The following SNX24 variants were observed in gnomAD, a reference collection of about 807,000 sequenced individuals.
SNX24 encodes the protein sorting nexin 24, also known as sorting nexin-24.
In SNX24, 22 loss-of-function variants were observed where a neutral mutation model predicts 28.7. The observed-to-expected ratio is 0.77, with a 90% CI of 0.55 to 1.10. The LOEUF is 1.10. Ranked by LOEUF, SNX24 falls within the 50% of genes least tolerant of loss-of-function variation. SNX24 has a pLI of 0.00. For missense variants in SNX24, 221 were observed against 201.1 expected (o/e 1.10, Z -0.60); for synonymous variants, 69 against 71.5 (o/e 0.96, Z 0.18).
At chr5:122,975,326 T>C (rs1761121757) in intron 3 of SNX24, among the ~76,000 whole-genome samples, 1 of 152,230 alleles carries the variant, frequency 6.6e-6, no homozygotes, top group Admixed American at 6.5e-5. Flanking sequence ...TATTTGATAT[T>C]ATTTTAATCC....
chr5:122,898,475 A>G (rs937287422), intron 1 of SNX24, among the ~76,000 whole-genome samples: 12 of 152,216 alleles, frequency 7.9e-5, no homozygotes, highest in Non-Finnish European at 1.3e-4. Context: ...CAGTGCAGTG[A>G]GCCATGTGCC....
At chr5:122,873,394 G>A (rs935609907) in intron 1 of SNX24, among the ~76,000 whole-genome samples, 10 of 152,264 alleles carry the variant, frequency 6.6e-5, no homozygotes, top group South Asian at 6.2e-4. Flanking sequence ...ATGCCTGCGT[G>A]GGGAGGCAGG....
chr5:122,981,734 G>T lies in SNX24; in HGVS notation c.250-18178G>T, dbSNP rs1042684599. Among the ~76,000 whole-genome samples, 3 of 152,234 alleles carry T rather than the reference G, an allele frequency of 2.0e-5. No individual in the cohort carries two copies. The South Asian group carries it at 6.2e-4, about 32-fold the overall frequency. ...GCTCTGTCTCCCAGGCTGGAGTGCA[G>T]TGGCACGATCTCTGCTCACTGCAAC... On this transcript the variant is annotated intron_variant, in intron 3 of 6. Coordinates refer to ENST00000261369, the MANE Select transcript of SNX24 (RefSeq NM_014035.4).
At chr5:122,862,398 G>A (rs1246425861) in intron 1 of SNX24, among the ~76,000 whole-genome samples, 3 of 151,994 alleles carry the variant, frequency 2.0e-5, no homozygotes, top group African/African-American at 4.8e-5. Context: ...GGCGGATCAC[G>A]AGGTCAGGAG....
At chr5:122,859,030 G>A (rs1581676029) in intron 1 of SNX24, among the ~76,000 whole-genome samples, 1 of 152,074 alleles carries the variant, frequency 6.6e-6, no homozygotes, top group Admixed American at 6.6e-5. Context: ...TTACAGGTGT[G>A]AGCAACCAGG....
chr5:122,901,452 G>A (rs1335632871), intron 1 of SNX24, among the ~76,000 whole-genome samples: 1 of 152,070 alleles, frequency 6.6e-6, no homozygotes, highest in African/African-American at 2.4e-5. Flanking sequence ...GTATGTTTAG[G>A]GACAAAACAC....
Position 123,028,973 on chromosome 5 carries a change from C to T in SNX24, n.384-265C>T, listed in dbSNP as rs113331486. 2.5e-5 allele frequency: 26 copies of T among 1,041,714 alleles called. No homozygotes were observed. In the African/African-American group the frequency reaches 3.9e-4, roughly 16 times the overall value. The allele number at this position is 1,041,714 out of a possible 1,614,324, so 64.5% of individuals were successfully genotyped here. The stretch of plus-strand genomic sequence containing the variant: ...AAACTGAGAAAATTAAACAAAATGC[C>T]TACAGAACTTGATTCTATCCCAGCT... On this transcript the variant is annotated intron_variant and non_coding_transcript_variant, in intron 5 of 5. Coordinates refer to the SNX24 transcript ENST00000502387.
chr5:122,908,402 G>T (rs1395770601), intron 1 of SNX24, among the ~76,000 whole-genome samples: 1 of 152,134 alleles, frequency 6.6e-6, no homozygotes, highest in African/African-American at 2.4e-5. Flanking sequence ...ACATCTCCTT[G>T]GGGTAACTGA....
At chr5:123,015,101 CT>C (rs1762657285) in intron 5 of SNX24, among the ~76,000 whole-genome samples, 2 of 152,184 alleles carry the variant, frequency 1.3e-5, no homozygotes. Flanking sequence ...TTGTTACTGC[CT>C]TTCTCCTTCA....
chr5:123,003,299 A>G (rs1762310722), intron 6 of SNX24, among the ~76,000 whole-genome samples: 1 of 152,110 alleles, frequency 6.6e-6, no homozygotes, highest in Non-Finnish European at 1.5e-5. Flanking sequence ...ATATGACCTC[A>G]TATTCTTTTT....
At chr5:123,013,037 C>G (rs1485630204), downstream of SNX24, among the ~76,000 whole-genome samples, 2 of 152,168 alleles carry the variant, frequency 1.3e-5, no homozygotes, top group Non-Finnish European at 2.9e-5. Flanking sequence ...CCTTCAGAAT[C>G]CAGTACCAAG....
chr5:122,890,574 A>T (rs866062796), intron 1 of SNX24, among the ~76,000 whole-genome samples: 1 of 150,596 alleles, frequency 6.6e-6, no homozygotes, highest in Non-Finnish European at 1.5e-5. Context: ...GGTTCAAGCG[A>T]TTCTTCCACC....
intron 3 of SNX24, among the ~76,000 whole-genome samples, chr5:122,950,049 C>T (rs1759871049): frequency 6.6e-6 from 1 of 152,128 alleles, no homozygotes; most frequent in South Asian, 2.1e-4. Context: ...AAATAATATA[C>T]TCCAGGAAAA....
At chr5:122,946,186 A>G (rs761215619) in intron 3 of SNX24, 27 bp downstream of exon 3, 3 of 1,299,458 alleles carry the variant, frequency 2.3e-6, no homozygotes, top group South Asian at 1.2e-5. Context: ...TCCTCATTTT[A>G]TATAACATAA....
At chr5:122,860,512 A>C (rs1473172761) in intron 1 of SNX24, among the ~76,000 whole-genome samples, 3 of 152,236 alleles carry the variant, frequency 2.0e-5, no homozygotes, top group Non-Finnish European at 4.4e-5. Context: ...TTGTAGAATC[A>C]GATTAGCCCT....
intron 1 of SNX24, among the ~76,000 whole-genome samples, chr5:122,906,917 C>T (rs1757667298): frequency 1.3e-5 from 2 of 152,200 alleles, no homozygotes; most frequent in Non-Finnish European, 2.9e-5. Flanking sequence ...AGCAGCGTGA[C>T]TCTAGCCCCT....
At chr5:122,893,450 T>G (rs1289352094) in intron 1 of SNX24, among the ~76,000 whole-genome samples, 1 of 152,196 alleles carries the variant, frequency 6.6e-6, no homozygotes, top group Non-Finnish European at 1.5e-5. Flanking sequence ...GGTTAATCAT[T>G]GCTTTTAGAC....
At chr5:122,956,170 A>G (rs1760200463) in intron 3 of SNX24, among the ~76,000 whole-genome samples, 1 of 151,944 alleles carries the variant, frequency 6.6e-6, no homozygotes, top group Non-Finnish European at 1.5e-5. Context: ...ATCACTGTGT[A>G]TCTTAGTTTA....
At chr5:122,980,784 G>C (rs1413936971) in intron 3 of SNX24, among the ~76,000 whole-genome samples, 1 of 151,452 alleles carries the variant, frequency 6.6e-6, no homozygotes, top group African/African-American at 2.4e-5. Context: ...TCATTTCCAA[G>C]GTGGGAAAAG....
Sources: allele counts gnomAD v4.1 joint callset (sites outside exome capture counted in the v4.1 genomes callset), GRCh38; gene constraint gnomAD v4.1.1; transcripts MANE v1.5; gene names NCBI Gene and HGNC (gene_info 2026-07-23, HGNC 2026-07-21).